Variants in PVT1 observed in about 807,000 individuals in gnomAD.
PVT1 encodes Pvt1 oncogene.
intron 2 of PVT1, chr8:127,803,303 G>A (rs1036661867): frequency 2.6e-5 from 4 of 151,734 alleles, no homozygotes; most frequent in Non-Finnish European, 4.4e-5. Flanking sequence ...CTAAGTTTTT[G>A]TATTTTTAGT....
chr8:128,078,571 T>C (rs1312241810), intron 5 of PVT1, among the ~76,000 whole-genome samples: 2 of 152,188 alleles, frequency 1.3e-5, no homozygotes, highest in African/African-American at 4.8e-5. Context: ...GAGGTGGTGT[T>C]ATTGTTATTA....
intron 2 of PVT1, among the ~76,000 whole-genome samples, chr8:127,875,414 G>A (rs1336710812): frequency 6.6e-6 from 1 of 150,868 alleles, no homozygotes; most frequent in African/African-American, 2.4e-5. Flanking sequence ...TTCACATGTT[G>A]TTTTCTGATT....
chr8:128,091,298 C>T (rs1017045305), intron 5 of PVT1, among the ~76,000 whole-genome samples: 2 of 152,180 alleles, frequency 1.3e-5, no homozygotes, highest in Non-Finnish European at 2.9e-5. Flanking sequence ...ACAACCTGCA[C>T]TCCAGGCCAA....
At chr8:128,088,490 T>G (rs1243708476) in intron 5 of PVT1, among the ~76,000 whole-genome samples, 1 of 152,216 alleles carries the variant, frequency 6.6e-6, no homozygotes, top group African/African-American at 2.4e-5. Context: ...GCCTACTTTG[T>G]GCCAAGCACT....
intron 2 of PVT1, among the ~76,000 whole-genome samples, chr8:127,813,322 G>T (rs985242360): frequency 6.7e-6 from 1 of 150,224 alleles, no homozygotes; most frequent in African/African-American, 2.4e-5. Context: ...GGGGAGGAGA[G>T]GAGCAGTTTA....
At chr8:127,864,073 G>A (rs1815258425) in intron 2 of PVT1, among the ~76,000 whole-genome samples, 1 of 152,202 alleles carries the variant, frequency 6.6e-6, no homozygotes, top group African/African-American at 2.4e-5. Context: ...CCATCCAAGG[G>A]GAAAGAAGCC....
intron 4 of PVT1, among the ~76,000 whole-genome samples, chr8:127,990,064 C>G (rs1439842261): frequency 6.6e-6 from 1 of 152,184 alleles, no homozygotes; most frequent in Non-Finnish European, 1.5e-5. Flanking sequence ...AGAATTCCTT[C>G]CATGTATCAG....
intron 5 of PVT1, chr8:128,096,385 A>C (rs1312834515): frequency 6.6e-6 from 1 of 152,222 alleles, no homozygotes; most frequent in Non-Finnish European, 1.5e-5. Context: ...ATGAGTGAAC[A>C]TGTGTCAAAT....
chr8:127,891,904 C>T (rs1815606889), intron 3 of PVT1, among the ~76,000 whole-genome samples: 1 of 152,018 alleles, frequency 6.6e-6, no homozygotes, highest in Non-Finnish European at 1.5e-5. Context: ...CCACAAAGGC[C>T]TGTTGCAGTT....
At chr8:127,818,886 A>T (rs183149053) in intron 2 of PVT1, among the ~76,000 whole-genome samples, 2 of 151,494 alleles carry the variant, frequency 1.3e-5, no homozygotes, top group Non-Finnish European at 2.9e-5. Flanking sequence ...TCTCTCTCTC[A>T]CTCTGTTGCC....
At chr8:127,875,311 C>CTCTCTG (rs200288341) in intron 2 of PVT1, among the ~76,000 whole-genome samples, 44 of 151,766 alleles carry the variant, frequency 2.9e-4, no homozygotes, top group East Asian at 9.7e-4. Flanking sequence ...GGTGTGTGTC[C>CTCTCTG]TCTCTGTCTC....
intron 4 of PVT1, among the ~76,000 whole-genome samples, chr8:128,037,211 C>T (rs916723377): frequency 6.6e-5 from 10 of 152,240 alleles, no homozygotes; most frequent in Non-Finnish European, 1.0e-4. Flanking sequence ...CTCTGAGGGG[C>T]AGGAGCCACT....
intron 4 of PVT1, among the ~76,000 whole-genome samples, chr8:127,993,032 A>G (rs1003657222): frequency 6.6e-6 from 1 of 152,166 alleles, no homozygotes; most frequent in South Asian, 2.1e-4. Context: ...AAACAGAAAC[A>G]TCTTCTCAAA....
intron 3 of PVT1, among the ~76,000 whole-genome samples, chr8:127,939,166 C>T (rs1221137368): frequency 6.6e-6 from 1 of 152,236 alleles, no homozygotes; most frequent in African/African-American, 2.4e-5. Flanking sequence ...TGTGACTCTT[C>T]TCCCCTATCC....
intron 5 of PVT1, among the ~76,000 whole-genome samples, chr8:128,071,218 G>A (rs58660066): frequency 0.049 from 7,481 of 152,210 alleles, 349 homozygotes; most frequent in African/African-American, 0.12. Flanking sequence ...GATTCGAAGG[G>A]CAGAGCACCA....
rs527397421 is a variant in PVT1 at position 127,809,020 on chromosome 8, A to G, written n.372+12949A>G. Among the ~76,000 whole-genome samples, 433 of 119,196 alleles carry G rather than the reference A, an allele frequency of 3.6e-3. 2 individuals are homozygous for G. The highest frequency in any genetic ancestry group is 5.7e-3 in the Non-Finnish European group (345 of 60,458). 78.2% of individuals were successfully genotyped at this position (119,196 alleles called of 152,430 possible). On this transcript the variant is annotated intron_variant and non_coding_transcript_variant, in intron 2 of 10. Coordinates refer to ENST00000651587, the Ensembl canonical transcript of PVT1. ...ATTCCAGCCTGGGCAACAAAGTGAG[A>G]TTCCATCTCAAAAAAAAAAAAAAAA...
intron 4 of PVT1, among the ~76,000 whole-genome samples, chr8:128,007,584 A>G (rs1817262666): frequency 6.6e-6 from 1 of 152,248 alleles, no homozygotes. Flanking sequence ...GTGCACATAC[A>G]TATTTATCTA....
chr8:127,922,101 T>C (rs192761026), intron 3 of PVT1, among the ~76,000 whole-genome samples: 10 of 152,140 alleles, frequency 6.6e-5, no homozygotes, highest in Admixed American at 4.6e-4. Flanking sequence ...CCTCGTGATC[T>C]GCCCGCCTTG....
At chr8:127,808,732 A>G (rs548580332) in intron 2 of PVT1, among the ~76,000 whole-genome samples, 13 of 152,176 alleles carry the variant, frequency 8.5e-5, no homozygotes, top group Non-Finnish European at 1.5e-4. Flanking sequence ...TTTTGGAGAC[A>G]GAAAGGACTT....
Sources: gnomAD v4.1 joint callset for allele counts (sites outside exome capture counted in the v4.1 genomes callset) on GRCh38, gnomAD v4.1.1 for gene constraint, MANE v1.5 for transcripts, NCBI Gene and HGNC (gene_info 2026-07-23, HGNC 2026-07-21) for gene names.